The following DCUN1D5 variants were observed in gnomAD, a reference collection of about 807,000 sequenced individuals.
The protein encoded by DCUN1D5 is defective in cullin neddylation 1 domain containing 5, also known as DCN1-like protein 5.
Under a neutral mutation model 38.3 loss-of-function variants are expected in DCUN1D5, and 10 were observed. The ratio of observed to expected loss-of-function variants is 0.26; its 90% CI spans 0.16 to 0.44. The LOEUF (loss-of-function observed/expected upper bound fraction) is 0.44. Ranked by LOEUF, DCUN1D5 falls within the 20% of genes least tolerant of loss-of-function variation. The probability of loss-of-function intolerance (pLI) is 1.00; values close to 1 mark genes in which losing one functional copy is unlikely to be tolerated. For missense variants in DCUN1D5, 148 were observed against 275.3 expected (o/e 0.54, Z 3.27); for synonymous variants, 93 against 90.9 (o/e 1.02, Z -0.13).
In DCUN1D5 at chr11:103,091,606, T is replaced by G; in HGVS notation, c.86+181A>C. The G allele has an allele frequency of 9.2e-7, 1 of 1,089,066 alleles. No individual in the cohort carries two copies. Among genetic ancestry groups the G allele is most frequent in the Non-Finnish European group, 1.3e-6 (1 of 749,532 alleles). 67.5% of individuals were successfully genotyped at this position (1,089,066 alleles called of 1,614,324 possible). Reference sequence around the variant, plus strand: ...TCCATAAACGCCAGCGTGCACACACTCGAACACGAGGTCGGGTCGGGCGCG... The same window carrying G: ...TCCATAAACGCCAGCGTGCACACACGCGAACACGAGGTCGGGTCGGGCGCG... On this transcript the variant is annotated intron_variant, in intron 1 of 7. Coordinates refer to ENST00000260247, the MANE Select transcript of DCUN1D5 (RefSeq NM_032299.4). This position sits in a 1 kb window ranked among gnomAD's most constrained non-coding sequence, Gnocchi z 4.3.
chr11:103,077,086 G>C lies in DCUN1D5; in HGVS notation c.341+5662C>G, dbSNP rs1038311084. On this transcript the variant is annotated intron_variant, in intron 4 of 7. Transcript: ENST00000260247. This position sits in a 1 kb window ranked among gnomAD's most constrained non-coding sequence, Gnocchi z 4.3. ...GTGGTGGCGGGTGCCTGTAGTCCCA[G>C]CTACTCAGGAGTCTGAAGCAGGGGA... Among the ~76,000 whole-genome samples, 1 of 152,130 alleles carries C rather than the reference G, an allele frequency of 6.6e-6. No homozygotes were observed. The highest frequency in any genetic ancestry group is 1.5e-5 in the Non-Finnish European group (1 of 68,032).
rs991314390 is a variant in DCUN1D5 at position 103,077,826 on chromosome 11, C to A, written c.341+4922G>T. ...ATAAGCTTTCTCAACCAGAACAATACCATCTACTTCTAGGGGTATTTGAAA... is the reference window on the plus strand; with the variant it reads ...ATAAGCTTTCTCAACCAGAACAATAACATCTACTTCTAGGGGTATTTGAAA... On this transcript the variant is annotated intron_variant, in intron 4 of 7. Transcript: ENST00000260247. This position sits in a 1 kb window ranked among gnomAD's most constrained non-coding sequence, Gnocchi z 4.3. 1.3e-5 allele frequency among the ~76,000 whole-genome samples: 2 copies of A among 152,112 alleles called. No homozygotes were observed. The highest frequency in any genetic ancestry group is 2.9e-5 in the Non-Finnish European group (2 of 68,022).
chr11:103,084,890 G>A (rs1363515602), intron 2 of DCUN1D5, among the ~76,000 whole-genome samples: 1 of 152,076 alleles, frequency 6.6e-6, no homozygotes, highest in Non-Finnish European at 1.5e-5. Flanking sequence ...AGGAGACTGA[G>A]GTGGGAGCAT....
rs984579407 is a variant in DCUN1D5 at position 103,086,955 on chromosome 11, G to C, written c.178+2272C>G. On this transcript the variant is annotated intron_variant, in intron 2 of 7. Transcript: ENST00000260247. This position sits in a 1 kb window ranked among gnomAD's most constrained non-coding sequence, Gnocchi z 4.1. ...ATGGACTTTAGAATCAGAAGGACCT[G>C]GGTTTGAATCCTGGCTCTTGTCACT... Among the ~76,000 whole-genome samples, 5 of 151,866 alleles carry C rather than the reference G, an allele frequency of 3.3e-5. No homozygotes were observed. Among genetic ancestry groups the C allele is most frequent in the Admixed American group, 3.3e-4 (5 of 15,252 alleles).
rs1381247470 is a variant in DCUN1D5, at chr11:103,054,680, C to G, written c.*7679G>C. 1 of 152,052 alleles carries G rather than the reference C, an allele frequency of 6.6e-6. No individual in the cohort carries two copies. The highest frequency in any genetic ancestry group is 1.5e-5 in the Non-Finnish European group (1 of 67,976). The allele number at this position is 152,052 out of a possible 1,614,324, so 9.4% of individuals were successfully genotyped here. On this transcript the variant is annotated 3_prime_UTR_variant, in exon 8 of 8. Transcript: ENST00000260247. ...TTTTCATGTCCAGGATTTCTTCTGA[C>G]TGGCTTTAATATTCATATATGTGGT... is the stretch of plus-strand genomic sequence containing the variant.
rs138589410 is a variant in DCUN1D5, at chr11:103,064,337, T to C, written c.596A>G (p.Asn199Ser). 2.5e-6 allele frequency: 4 copies of C among 1,610,394 alleles called. No individual in the cohort carries two copies. Among genetic ancestry groups the C allele is most frequent in the African/African-American group, 1.3e-5 (1 of 74,898 alleles). The change falls in exon 7 of 8, where the codon AAT becomes AGT. Residue 199 changes from asparagine (N) to serine (S), a missense_variant. Physicochemically the swap from Asn to Ser is conservative, Grantham distance 46. Coordinates refer to ENST00000260247, the MANE Select transcript of DCUN1D5 (RefSeq NM_032299.4). The surrounding 1 kb of genome is among the most constrained non-coding windows in gnomAD (Gnocchi z 4.5). ...GACTGTTCTGCTGAATTCTAATACA[T>C]TGTACCATTGATCTTTGTTCATAAC... is the stretch of plus-strand genomic sequence containing the variant. ...YRVMNKDQWY[N>S]VLEFSRTVHA...
At position 103,087,391 on chromosome 11, in the gene DCUN1D5, C is replaced by T. The variant is rs61897064; in HGVS notation, c.178+1836G>A. Among the ~76,000 whole-genome samples, 13,252 of 152,058 alleles carry T rather than the reference C, an allele frequency of 0.087. 747 individuals carry two copies. The highest frequency in any genetic ancestry group is 0.12 in the Non-Finnish European group (7,868 of 67,950). On this transcript the variant is annotated intron_variant, in intron 2 of 7. Coordinates refer to ENST00000260247, the MANE Select transcript of DCUN1D5 (RefSeq NM_032299.4). The surrounding 1 kb of genome is among the most constrained non-coding windows in gnomAD (Gnocchi z 4.1). The stretch of plus-strand genomic sequence containing the variant: ...TTCACCATGTTAACCAGGATGGTCT[C>T]GATCTCCTGACCTCGTGATCTGCCT...
chr11:103,072,352 A>G (rs557555105), intron 4 of DCUN1D5, among the ~76,000 whole-genome samples: 16 of 151,800 alleles, frequency 1.1e-4, no homozygotes, highest in African/African-American at 2.9e-4. Flanking sequence ...ATCTAGATCT[A>G]GATCTAGATC....
chr11:103,091,826 A>G lies in DCUN1D5; in HGVS notation c.47T>C (p.Val16Ala), dbSNP rs760212915. 6.2e-7 allele frequency: 1 copy of G among 1,613,932 alleles called. No individual in the cohort carries two copies. Among genetic ancestry groups the G allele is most frequent in the Non-Finnish European group, 8.5e-7 (1 of 1,179,948 alleles). Residue 16 changes from valine (V) to alanine (A), a missense_variant, in exon 1 of 8, where the codon GTA becomes GCA. Val to Ala is a moderately conservative substitution (Grantham distance 64). Coordinates refer to ENST00000260247, the MANE Select transcript of DCUN1D5 (RefSeq NM_032299.4). This position sits in a 1 kb window ranked among gnomAD's most constrained non-coding sequence, Gnocchi z 4.3. ...KRKSPGVAAA[V>A]AEDGGLKKCK... Reference sequence around the variant, plus strand: ...CTTTTTGAGGCCTCCGTCTTCCGCTACTGCTGCTGCCACCCCAGGGGATTT... The same window carrying G: ...CTTTTTGAGGCCTCCGTCTTCCGCTGCTGCTGCTGCCACCCCAGGGGATTT...
At position 103,053,339 on chromosome 11, in the gene DCUN1D5, T is replaced by A. The variant is rs1403428600; in HGVS notation, c.*9020A>T. 9.2e-6 allele frequency: 1 copy of A among 108,378 alleles called. No individual in the cohort carries two copies. The highest frequency in any genetic ancestry group is 2.2e-5 in the Non-Finnish European group (1 of 44,850). 6.7% of individuals were successfully genotyped at this position (108,378 alleles called of 1,614,324 possible). A position where few individuals can be genotyped will look rare whatever the true frequency, so the allele number is the denominator to read the frequency against. On this transcript the variant is annotated 3_prime_UTR_variant, in exon 8 of 8. Transcript: ENST00000260247. The surrounding 1 kb of genome is among the most constrained non-coding windows in gnomAD (Gnocchi z 4.8). ...AAAGAAAGCAAGTAATACAAATCAG[T>A]GTGCATCATTGACATTACAGATTAA...
rs549872290 is a variant in DCUN1D5 at position 103,078,186 on chromosome 11, T to C, written c.341+4562A>G. 5.3e-4 allele frequency among the ~76,000 whole-genome samples: 81 copies of C among 152,294 alleles called. No individual in the cohort carries two copies. Among genetic ancestry groups the C allele is most frequent in the Middle Eastern group, 3.4e-3 (1 of 294 alleles). ...TTGTCAGATGCTCTTGTCTTGTCCTTTTCATTATCATAATCAAGTACGGTC... is the reference window on the plus strand; with the variant it reads ...TTGTCAGATGCTCTTGTCTTGTCCTCTTCATTATCATAATCAAGTACGGTC... On this transcript the variant is annotated intron_variant, in intron 4 of 7. Transcript: ENST00000260247. This position sits in a 1 kb window ranked among gnomAD's most constrained non-coding sequence, Gnocchi z 4.6.
chr11:103,066,664 C>T lies in DCUN1D5; in HGVS notation c.342-97G>A, dbSNP rs578074145. 1.2e-5 allele frequency: 8 copies of T among 643,416 alleles called. No homozygotes were observed. The highest frequency in any genetic ancestry group is 3.8e-5 in the African/African-American group (2 of 52,750). The allele number at this position is 643,416 out of a possible 1,614,324, so 39.9% of individuals were successfully genotyped here. A position where few individuals can be genotyped will look rare whatever the true frequency, so the allele number is the denominator to read the frequency against. On this transcript the variant is annotated intron_variant, in intron 4 of 7. Transcript: ENST00000260247. The surrounding 1 kb of genome is among the most constrained non-coding windows in gnomAD (Gnocchi z 4.7). The stretch of plus-strand genomic sequence containing the variant: ...CGTAATGCATTAAGAAAAAAGTGAG[C>T]GCATTTATGAAGTTAATTTAGTTTT...
Position 103,071,119 on chromosome 11 carries a change from A to C in DCUN1D5, c.342-4552T>G, listed in dbSNP as rs1209170144. On this transcript the variant is annotated intron_variant, in intron 4 of 7. Coordinates refer to ENST00000260247, the MANE Select transcript of DCUN1D5 (RefSeq NM_032299.4). The surrounding 1 kb of genome is among the most constrained non-coding windows in gnomAD (Gnocchi z 4.1). ...CACATTAGAAAAAAGAAAAAGCCTT[A>C]ATCAACAATCTAAGCTTGTACCTCT... Among the ~76,000 whole-genome samples, 1 of 152,140 alleles carries C rather than the reference A, an allele frequency of 6.6e-6. No individual in the cohort carries two copies. The highest frequency in any genetic ancestry group is 2.4e-5 in the African/African-American group (1 of 41,438).
At position 103,060,609 on chromosome 11, in the gene DCUN1D5, T is replaced by C. The variant is rs1861989879; in HGVS notation, c.*1750A>G. ...ATGCCTGTGCTTTCATAAATATACC[T>C]TTTAAAAAACATGTCATCTATAAGC... On this transcript the variant is annotated 3_prime_UTR_variant, in exon 8 of 8. Coordinates refer to ENST00000260247, the MANE Select transcript of DCUN1D5 (RefSeq NM_032299.4). 6.6e-6 allele frequency among the ~76,000 whole-genome samples: 1 copy of C among 152,134 alleles called. No homozygotes were observed. Among genetic ancestry groups the C allele is most frequent in the South Asian group, 2.1e-4 (1 of 4,836 alleles).
intron 4 of DCUN1D5, among the ~76,000 whole-genome samples, chr11:103,081,244 G>A (rs1213403351): frequency 6.6e-6 from 1 of 152,136 alleles, no homozygotes; most frequent in Non-Finnish European, 1.5e-5. Flanking sequence ...TTAAAGAGGA[G>A]GAGGAGGAGT....
Position 103,055,859 on chromosome 11 carries a change from T to C in DCUN1D5, c.*6500A>G, listed in dbSNP as rs1861860585. The stretch of plus-strand genomic sequence containing the variant: ...CCAACTGCCCACTCTACATTTTCCT[T>C]TGGACGTCTGACAGACAAGTCTACC... On this transcript the variant is annotated 3_prime_UTR_variant, in exon 8 of 8. Transcript: ENST00000260247. The C allele has an allele frequency of 6.6e-6, 1 of 152,198 alleles. No individual in the cohort carries two copies. Among genetic ancestry groups the C allele is most frequent in the African/African-American group, 2.4e-5 (1 of 41,450 alleles). The allele number at this position is 152,198 out of a possible 1,614,324, so 9.4% of individuals were successfully genotyped here. A position where few individuals can be genotyped will look rare whatever the true frequency, so the allele number is the denominator to read the frequency against.
chr11:103,083,938 T>C lies in DCUN1D5; in HGVS notation c.179-612A>G, dbSNP rs995446837. On this transcript the variant is annotated intron_variant, in intron 2 of 7. Coordinates refer to ENST00000260247, the MANE Select transcript of DCUN1D5 (RefSeq NM_032299.4). This position sits in a 1 kb window ranked among gnomAD's most constrained non-coding sequence, Gnocchi z 4.4. ...TTGGTTCTAAAACAGACAGCAAGCA[T>C]TGATGTCACCTTAATGTAGAAACAG... Among the ~76,000 whole-genome samples, 9 of 152,296 alleles carry C rather than the reference T, an allele frequency of 5.9e-5. No homozygotes were observed. Among genetic ancestry groups the C allele is most frequent in the South Asian group, 2.1e-4 (1 of 4,830 alleles).
chr11:103,083,323 G>C lies in DCUN1D5; in HGVS notation c.182C>G (p.Pro61Arg), dbSNP rs139749603. ...TCCTTCTGGCCCTACAACTTCATCAGGACCTTCAAAGACAAAAATAATTAA... is the reference window on the plus strand; with the variant it reads ...TCCTTCTGGCCCTACAACTTCATCACGACCTTCAAAGACAAAAATAATTAA... ...CLAWFYEYAG[P>R]DEVVGPEGME... Residue 61 changes from proline (P) to arginine (R), a missense_variant, in exon 3 of 8, where the codon CCT becomes CGT. Coordinates refer to ENST00000260247, the MANE Select transcript of DCUN1D5 (RefSeq NM_032299.4). The surrounding 1 kb of genome is among the most constrained non-coding windows in gnomAD (Gnocchi z 4.4). 1.3e-6 allele frequency: 2 copies of C among 1,581,176 alleles called. No individual in the cohort carries two copies. Among genetic ancestry groups the C allele is most frequent in the Non-Finnish European group, 1.7e-6 (2 of 1,151,314 alleles).
At chr11:103,079,073 G>A (rs2510089) in intron 4 of DCUN1D5, among the ~76,000 whole-genome samples, 41,181 of 152,134 alleles carry the variant, frequency 0.27, 5,763 homozygotes, top group African/African-American at 0.32. Flanking sequence ...TCCACCTCCT[G>A]TCAGAACAGC....
Sources: allele counts gnomAD v4.1 joint callset (sites outside exome capture counted in the v4.1 genomes callset), GRCh38; gene constraint gnomAD v4.1.1; non-coding constraint Gnocchi (gnomAD v3.1); transcripts MANE v1.5; gene names NCBI Gene and HGNC (gene_info 2026-07-23, HGNC 2026-07-21).